The following CDH4 variants were observed in gnomAD, a reference collection of about 807,000 sequenced individuals.
CDH4 encodes cadherin-4.
Under a neutral mutation model 86.0 loss-of-function variants are expected in CDH4, and 33 were observed. That is an observed-to-expected ratio of 0.38 (90% CI 0.29 to 0.51). CDH4 has a LOEUF of 0.51. Ranked by LOEUF, CDH4 falls within the 20% of genes least tolerant of loss-of-function variation. The pLI is 0.86. For synonymous variants in CDH4, 555 were observed against 549.4 expected (o/e 1.01, Z -0.14); for missense variants, 1,114 against 1,307.4 (o/e 0.85, Z 2.28).
At chr20:61,872,378 A>T (rs1983842605) in intron 6 of CDH4, among the ~76,000 whole-genome samples, 1 of 152,208 alleles carries the variant, frequency 6.6e-6, no homozygotes, top group African/African-American at 2.4e-5. Flanking sequence ...GGCCAGGTGG[A>T]GGAGAGGGAA....
intron 8 of CDH4, among the ~76,000 whole-genome samples, chr20:61,899,237 G>A (rs1232552173): frequency 6.6e-6 from 1 of 151,790 alleles, no homozygotes; most frequent in Non-Finnish European, 1.5e-5. Context: ...CTGGGAGGTG[G>A]AGGGTGCAGT....
chr20:61,627,398 C>T (rs566833967), intron 2 of CDH4, among the ~76,000 whole-genome samples: 4 of 152,286 alleles, frequency 2.6e-5, no homozygotes, highest in Admixed American at 6.5e-5. Context: ...AGACGTTCTC[C>T]GCTCATTGGC....
chr20:61,446,445 A>G (rs1394174039), intron 2 of CDH4, among the ~76,000 whole-genome samples: 2 of 152,250 alleles, frequency 1.3e-5, no homozygotes, highest in African/African-American at 4.8e-5. Flanking sequence ...ACTTTTAAAC[A>G]AACAGTCTTA....
intron 4 of CDH4, among the ~76,000 whole-genome samples, chr20:61,820,193 C>A (rs1372906481): frequency 6.6e-6 from 1 of 152,252 alleles, no homozygotes; most frequent in Non-Finnish European, 1.5e-5. Flanking sequence ...CTTCCACCTA[C>A]ACAGCAACCA....
chr20:61,515,105 T>C (rs954541761), intron 2 of CDH4, among the ~76,000 whole-genome samples: 1 of 152,246 alleles, frequency 6.6e-6, no homozygotes, highest in African/African-American at 2.4e-5. Flanking sequence ...AGAAGAAAAC[T>C]GGAATTTTTT....
At chr20:61,493,217 C>T (rs1031918748) in intron 2 of CDH4, among the ~76,000 whole-genome samples, 11 of 152,160 alleles carry the variant, frequency 7.2e-5, no homozygotes, top group African/African-American at 1.9e-4. Flanking sequence ...AGCCCACACT[C>T]GCTGTGGGCC....
intron 2 of CDH4, among the ~76,000 whole-genome samples, chr20:61,440,218 T>G (rs926843536): frequency 6.6e-6 from 1 of 152,134 alleles, no homozygotes; most frequent in African/African-American, 2.4e-5. Flanking sequence ...AGATAACCAC[T>G]GAGGAGGCAG....
intron 2 of CDH4, among the ~76,000 whole-genome samples, chr20:61,737,942 G>A (rs2088285307): frequency 2.0e-5 from 3 of 152,206 alleles, no homozygotes; most frequent in Non-Finnish European, 4.4e-5. Context: ...AGGGCTGCTG[G>A]TGCACACCCG....
chr20:61,616,899 G>T (rs1267374324), intron 2 of CDH4, among the ~76,000 whole-genome samples: 1 of 152,160 alleles, frequency 6.6e-6, no homozygotes, highest in African/African-American at 2.4e-5. Context: ...GGTTCTTCCT[G>T]GGTCCTGGGG....
At chr20:61,714,836 G>C (rs1439772961) in intron 2 of CDH4, among the ~76,000 whole-genome samples, 1 of 152,192 alleles carries the variant, frequency 6.6e-6, no homozygotes, top group Non-Finnish European at 1.5e-5. Flanking sequence ...TTGGTAACAT[G>C]TCTTTGCAAT....
intron 2 of CDH4, among the ~76,000 whole-genome samples, chr20:61,539,034 G>A (rs2086019440): frequency 6.6e-6 from 1 of 152,160 alleles, no homozygotes; most frequent in Non-Finnish European, 1.5e-5. Context: ...GAGGACTAAA[G>A]GAGGATCCCA....
intron 2 of CDH4, among the ~76,000 whole-genome samples, chr20:61,562,102 G>A (rs2086221107): frequency 1.9e-5 from 2 of 104,590 alleles, no homozygotes; most frequent in African/African-American, 4.2e-5. Context: ...GTGGACCCCA[G>A]GGCTCCCGGA....
intron 3 of CDH4, among the ~76,000 whole-genome samples, chr20:61,746,876 G>C (rs1195420770): frequency 1.3e-5 from 2 of 152,210 alleles, no homozygotes; most frequent in Non-Finnish European, 2.9e-5. Context: ...GCAGGGAGTG[G>C]GGGTCACTGT....
intron 2 of CDH4, among the ~76,000 whole-genome samples, chr20:61,291,231 C>G (rs1290377546): frequency 6.6e-6 from 1 of 152,198 alleles, no homozygotes; most frequent in Non-Finnish European, 1.5e-5. Flanking sequence ...GATATGTGCA[C>G]CCAGAAGCTG....
chr20:61,669,929 A>G (rs2087368178), intron 2 of CDH4, among the ~76,000 whole-genome samples: 1 of 152,178 alleles, frequency 6.6e-6, no homozygotes, highest in African/African-American at 2.4e-5. Flanking sequence ...CCTGAGCTCC[A>G]AGCATGGGAG....
intron 2 of CDH4, among the ~76,000 whole-genome samples, chr20:61,507,759 G>A (rs1237892744): frequency 6.6e-6 from 1 of 152,092 alleles, no homozygotes; most frequent in Non-Finnish European, 1.5e-5. Context: ...GAAAAACTGA[G>A]GCCATCTGAA....
In CDH4 at chr20:61,263,052, C is replaced by T. The variant is rs1184765994; in HGVS notation, c.169+8115C>T. On this transcript the variant is annotated intron_variant, in intron 2 of 15. Transcript: ENST00000614565. ...TGACTTTTTGAAGAAGTAATTTCTC[C>T]TCCAAGTGAATTCCACTATAAAAAA... 4.6e-5 allele frequency among the ~76,000 whole-genome samples: 7 copies of T among 151,968 alleles called. No individual in the cohort carries two copies. In the East Asian group the frequency reaches 9.7e-4, roughly 21 times the overall value.
chr20:61,852,965 G>A, intron 6 of CDH4, 67 bp downstream of exon 6: 1 of 1,513,170 alleles, frequency 6.6e-7, no homozygotes. Flanking sequence ...AGGCCCTGAG[G>A]GCAGGGGAGG....
intron 2 of CDH4, among the ~76,000 whole-genome samples, chr20:61,410,932 T>G (rs1310611043): frequency 6.6e-6 from 1 of 151,066 alleles, no homozygotes; most frequent in Non-Finnish European, 1.5e-5. Context: ...CATTCATCCA[T>G]CTGTCCATCA....
Sources: gnomAD v4.1 joint callset for allele counts (sites outside exome capture counted in the v4.1 genomes callset) on GRCh38, gnomAD v4.1.1 for gene constraint, MANE v1.5 for transcripts, NCBI Gene and HGNC (gene_info 2026-07-23, HGNC 2026-07-21) for gene names.